The following CFAP299 variants were observed in gnomAD, a reference collection of about 807,000 sequenced individuals.
The protein encoded by CFAP299 is cilia- and flagella-associated protein 299.
CFAP299 carries 21 observed loss-of-function variants against 27.0 expected under a neutral mutation model. The ratio of observed to expected loss-of-function variants is 0.78; its 90% confidence interval spans 0.55 to 1.12. The LOEUF (loss-of-function observed/expected upper bound fraction) is 1.12. Ranked by LOEUF, CFAP299 falls within the 50% of genes most tolerant of loss-of-function variation. The pLI, the probability that CFAP299 is intolerant of heterozygous loss-of-function variation, is 0.00. For synonymous variants in CFAP299, 104 were observed against 98.1 expected (o/e 1.06, Z -0.36); for missense variants, 310 against 276.6 (o/e 1.12, Z -0.86).
chr4:80,948,183 G>T (rs913520733), intron 5 of CFAP299, among the ~76,000 whole-genome samples: 1 of 152,168 alleles, frequency 6.6e-6, no homozygotes, highest in Non-Finnish European at 1.5e-5. Context: ...GTCCAACACA[G>T]ATGTGGACTC....
At chr4:80,450,705 C>T (rs1271972682) in intron 2 of CFAP299, among the ~76,000 whole-genome samples, 1 of 151,554 alleles carries the variant, frequency 6.6e-6, no homozygotes, top group Non-Finnish European at 1.5e-5. Context: ...CAAAGTTTGT[C>T]CATAGAACTA....
chr4:80,754,958 C>T (rs1281569970), intron 3 of CFAP299, among the ~76,000 whole-genome samples: 1 of 152,068 alleles, frequency 6.6e-6, no homozygotes, highest in Non-Finnish European at 1.5e-5. Context: ...AATGTTCTTT[C>T]CTACTTCCTA....
chr4:80,961,558 T>C (rs953060733), intron 5 of CFAP299, among the ~76,000 whole-genome samples: 4 of 151,806 alleles, frequency 2.6e-5, no homozygotes, highest in African/African-American at 9.7e-5. Flanking sequence ...TTAGGAGACA[T>C]TTTAACCTAA....
intron 4 of CFAP299, among the ~76,000 whole-genome samples, chr4:80,896,368 A>G (rs1246539805): frequency 6.6e-6 from 1 of 152,108 alleles, no homozygotes; most frequent in Non-Finnish European, 1.5e-5. Context: ...GTTTACATAT[A>G]TTTGTTTGAG....
At chr4:80,605,919 G>A (rs1468132068) in intron 3 of CFAP299, among the ~76,000 whole-genome samples, 1 of 151,986 alleles carries the variant, frequency 6.6e-6, no homozygotes, top group Non-Finnish European at 1.5e-5. Context: ...TTTAGAGGCA[G>A]CATATCTGTC....
chr4:80,861,244 G>A lies in CFAP299; in HGVS notation c.334-8749G>A, dbSNP rs906022154. On this transcript the variant is annotated intron_variant, in intron 3 of 5. Transcript: ENST00000358105. The stretch of plus-strand genomic sequence containing the variant: ...GCAGGATATAATCTCCTGGTGCGCC[G>A]TTTTTTAAGCCCGTCAGAAAAGTGC... Among the ~76,000 whole-genome samples, 13 of 152,256 alleles carry A rather than the reference G, an allele frequency of 8.5e-5. No individual in the cohort carries two copies. In the South Asian group the frequency reaches 1.0e-3, roughly 12 times the overall value.
intron 4 of CFAP299, among the ~76,000 whole-genome samples, chr4:80,916,410 G>A (rs2110207773): frequency 6.6e-6 from 1 of 151,258 alleles, no homozygotes; most frequent in African/African-American, 2.4e-5. Context: ...TTCCTTTGAA[G>A]AATTATGCCC....
chr4:80,808,040 A>G (rs1565708), intron 3 of CFAP299, among the ~76,000 whole-genome samples: 2 of 151,904 alleles, frequency 1.3e-5, no homozygotes, highest in Admixed American at 6.6e-5. Context: ...TAAAAAAAAA[A>G]CAAAGGGGAA....
At chr4:80,615,412 G>T (rs1738221010) in intron 3 of CFAP299, among the ~76,000 whole-genome samples, 1 of 152,126 alleles carries the variant, frequency 6.6e-6, no homozygotes, top group Non-Finnish European at 1.5e-5. Context: ...GTTGTTGGAA[G>T]TCATACTTAT....
chr4:80,713,696 G>A (rs1020382632), intron 3 of CFAP299, among the ~76,000 whole-genome samples: 122 of 152,238 alleles, frequency 8.0e-4, no homozygotes, highest in African/African-American at 2.8e-3. Flanking sequence ...CAGTGGGTGA[G>A]GTAAGACTCA....
intron 3 of CFAP299, among the ~76,000 whole-genome samples, chr4:80,707,773 G>C (rs948020369): frequency 6.6e-6 from 1 of 152,002 alleles, no homozygotes; most frequent in African/African-American, 2.4e-5. Flanking sequence ...ACTTCAATGA[G>C]TGATTTATAC....
chr4:80,540,190 T>C (rs1162629068), intron 2 of CFAP299, among the ~76,000 whole-genome samples: 1 of 152,244 alleles, frequency 6.6e-6, no homozygotes, highest in Non-Finnish European at 1.5e-5. Context: ...GTTTCCTTTA[T>C]GCTTAACCTA....
At chr4:80,441,930 T>G (rs542158381) in intron 2 of CFAP299, among the ~76,000 whole-genome samples, 2 of 152,318 alleles carry the variant, frequency 1.3e-5, no homozygotes, top group African/African-American at 4.8e-5. Context: ...AAACAGCCTT[T>G]AGACCAACAA....
intron 3 of CFAP299, among the ~76,000 whole-genome samples, chr4:80,633,490 C>G: frequency 6.6e-6 from 1 of 152,008 alleles, no homozygotes; most frequent in East Asian, 1.9e-4. Flanking sequence ...GTGGAAATGG[C>G]TACTAAACTT....
At chr4:80,399,122 A>C (rs1725991833) in intron 2 of CFAP299, among the ~76,000 whole-genome samples, 1 of 152,230 alleles carries the variant, frequency 6.6e-6, no homozygotes, top group Admixed American at 6.5e-5. Context: ...AGAGAAATGC[A>C]AATCAAAACC....
In CFAP299 at chr4:80,595,370, T is replaced by C. The variant is rs149421952; in HGVS notation, c.333+12187T>C. Among the ~76,000 whole-genome samples the C allele has an allele frequency of 9.5e-4, 145 of 152,324 alleles. 2 individuals are homozygous for C. The East Asian group carries it at 0.018, about 19-fold the overall frequency. ...GTTATCTTCTAAAAGTTTTATTGTTTTAGTGTTTACATTTAGATGTATGTT... is the reference window on the plus strand; with the variant it reads ...GTTATCTTCTAAAAGTTTTATTGTTCTAGTGTTTACATTTAGATGTATGTT... On this transcript the variant is annotated intron_variant, in intron 3 of 5. Coordinates refer to ENST00000358105, the MANE Select transcript of CFAP299 (RefSeq NM_152770.3).
intron 2 of CFAP299, among the ~76,000 whole-genome samples, chr4:80,379,221 T>G (rs1724575091): frequency 6.6e-6 from 1 of 152,072 alleles, no homozygotes; most frequent in African/African-American, 2.4e-5. Flanking sequence ...AGGCATAAAG[T>G]CATTCTTAAT....
At chr4:80,679,888 A>T (rs1027465856) in intron 3 of CFAP299, among the ~76,000 whole-genome samples, 2 of 151,914 alleles carry the variant, frequency 1.3e-5, no homozygotes, top group African/African-American at 4.8e-5. Flanking sequence ...CCCAGACTGT[A>T]ACTTACTTTT....
chr4:80,853,973 T>A (rs185901402), intron 3 of CFAP299, among the ~76,000 whole-genome samples: 1 of 152,268 alleles, frequency 6.6e-6, no homozygotes, highest in Non-Finnish European at 1.5e-5. Context: ...AAGTGATAAT[T>A]AAGTAAATTC....
Sources: allele counts gnomAD v4.1 joint callset (sites outside exome capture counted in the v4.1 genomes callset), GRCh38; gene constraint gnomAD v4.1.1; transcripts MANE v1.5; gene names NCBI Gene and HGNC (gene_info 2026-07-23, HGNC 2026-07-21).